PTPRS: variants seen among roughly 807,000 people sequenced by gnomAD.
PTPRS encodes receptor-type tyrosine-protein phosphatase S.
PTPRS carries 63 observed loss-of-function variants against 215.3 expected under a neutral mutation model. That is an observed-to-expected ratio of 0.29 (90% CI 0.24 to 0.36). The LOEUF is 0.36. PTPRS is among the 10% of genes least tolerant of loss of function. The pLI, the probability that PTPRS is intolerant of heterozygous loss-of-function variation, is 1.00. For missense variants in PTPRS, 2,258 were observed against 2,825.8 expected, an observed-to-expected ratio of 0.80 and a Z score of 4.56; for synonymous variants, 1,404 against 1,191.4, an observed-to-expected ratio of 1.18 and a Z score of -3.68.
Position 5,239,164 on chromosome 19 carries a change from G to GGAGA in PTPRS, c.1705-105_1705-102dup, listed in dbSNP as rs36138461. 6.1e-3 allele frequency: 2,642 copies of GGAGA among 433,006 alleles called. 30 individuals are homozygous for GGAGA. Among genetic ancestry groups the GGAGA allele is most frequent in the African/African-American group, 0.035 (1,102 of 31,668 alleles). The allele number at this position is 433,006 out of a possible 1,614,324, so 26.8% of individuals were successfully genotyped here. A position where few individuals can be genotyped will look rare whatever the true frequency, so the allele number is the denominator to read the frequency against. On this transcript the variant is annotated intron_variant, in intron 12 of 37. Transcript: ENST00000262963. ...AGAGACAGAAACAGAGGGGGGAGGG[G>GGAGA]GAGAGAGAGAGAGAGAGAGAGAGAC...
At chr19:5,296,651 G>A (rs1019905260) in intron 1 of PTPRS, among the ~76,000 whole-genome samples, 2 of 150,480 alleles carry the variant, frequency 1.3e-5, no homozygotes, top group Admixed American at 1.3e-4. Context: ...TGCACCTGGC[G>A]TGTTGGAGGA....
At chr19:5,297,938 G>A (rs866592442) in intron 1 of PTPRS, among the ~76,000 whole-genome samples, 2 of 151,720 alleles carry the variant, frequency 1.3e-5, no homozygotes, top group African/African-American at 2.4e-5. Flanking sequence ...GATTACAGGC[G>A]CACACCACCA....
At position 5,210,439 on chromosome 19, in the gene PTPRS, C is replaced by T. The variant is rs1221759502; in HGVS notation, c.5487+30G>A. The T allele has an allele frequency of 1.9e-6, 3 of 1,613,764 alleles. No individual in the cohort carries two copies. The highest frequency in any genetic ancestry group is 2.2e-5 in the East Asian group (1 of 44,876). On this transcript the variant is annotated intron_variant, in intron 35 of 37. Coordinates refer to ENST00000262963, the MANE Select transcript of PTPRS (RefSeq NM_002850.4). This position sits in a 1 kb window ranked among gnomAD's most constrained non-coding sequence, Gnocchi z 4.5. Reference sequence around the variant, plus strand: ...CCTTTCCAGATCACTAAGGCTCCAGCCCCTCCCGCCAGTCTGTCTCTTCAC... The same window carrying T: ...CCTTTCCAGATCACTAAGGCTCCAGTCCCTCCCGCCAGTCTGTCTCTTCAC...
rs544606530 is a variant in PTPRS, at chr19:5,215,670, C to T, written c.4097-75G>A. 29 of 1,060,710 alleles carry T rather than the reference C, an allele frequency of 2.7e-5. No homozygotes were observed. In the African/African-American group the frequency reaches 4.5e-4, roughly 17 times the overall value. The allele number at this position is 1,060,710 out of a possible 1,614,324, so 65.7% of individuals were successfully genotyped here. ...CGGGGACTCGGGGGAGGGGGGTGATCTACGTGTGAGTCTGCGATGGGTGAG... is the reference window on the plus strand; with the variant it reads ...CGGGGACTCGGGGGAGGGGGGTGATTTACGTGTGAGTCTGCGATGGGTGAG... On this transcript the variant is annotated intron_variant, in intron 26 of 37. Transcript: ENST00000262963.
rs2048421879 is a variant in PTPRS at position 5,287,259 on chromosome 19, C to T, written c.-94-1025G>A. Among the ~76,000 whole-genome samples, 1 of 152,190 alleles carries T rather than the reference C, an allele frequency of 6.6e-6. No homozygotes were observed. Among genetic ancestry groups the T allele is most frequent in the African/African-American group, 2.4e-5 (1 of 41,434 alleles). On this transcript the variant is annotated intron_variant, in intron 1 of 37. Coordinates refer to ENST00000262963, the MANE Select transcript of PTPRS (RefSeq NM_002850.4). This position sits in a 1 kb window ranked among gnomAD's most constrained non-coding sequence, Gnocchi z 4.8. ...TTCCTCAGGAAACCCTTCTCTGCCC[C>T]TCAAAGGTCAATTCCCCCTACATTC... is the stretch of plus-strand genomic sequence containing the variant.
At chr19:5,309,729 C>T (rs1176964087) in intron 1 of PTPRS, among the ~76,000 whole-genome samples, 1 of 152,146 alleles carries the variant, frequency 6.6e-6, no homozygotes, top group Non-Finnish European at 1.5e-5. Flanking sequence ...CTGCAGCCAA[C>T]CACTTGGAGA....
In PTPRS at chr19:5,229,479, C is replaced by T. The variant is rs2042829751; in HGVS notation, c.2349+12G>A. ...GAGCCCGTCCCCGGCCCCGCCCCGG[C>T]CCCCCGCCCACCTGGGCATCGGCCA... On this transcript the variant is annotated intron_variant, in intron 15 of 37. Transcript: ENST00000262963. The T allele has an allele frequency of 2.8e-6, 4 of 1,409,560 alleles. No individual in the cohort carries two copies. The highest frequency in any genetic ancestry group is 3.0e-5 in the African/African-American group (2 of 65,586). The allele number at this position is 1,409,560 out of a possible 1,614,324, so 87.3% of individuals were successfully genotyped here. A position where few individuals can be genotyped will look rare whatever the true frequency, so the allele number is the denominator to read the frequency against.
intron 1 of PTPRS, among the ~76,000 whole-genome samples, chr19:5,332,404 AG>A (rs1187561218): frequency 1.3e-5 from 2 of 152,230 alleles, no homozygotes; most frequent in Non-Finnish European, 2.9e-5. Flanking sequence ...CTGGGATTAC[AG>A]GCGTGAGCCA....
intron 1 of PTPRS, among the ~76,000 whole-genome samples, chr19:5,299,551 C>T (rs1414176352): frequency 1.3e-5 from 2 of 152,358 alleles, no homozygotes; most frequent in South Asian, 2.1e-4. Context: ...TCTTTACTCA[C>T]TGTCTGGGTC....
intron 2 of PTPRS, among the ~76,000 whole-genome samples, chr19:5,279,784 G>A (rs947066504): frequency 1.1e-4 from 16 of 152,118 alleles, no homozygotes; most frequent in Admixed American, 8.5e-4. Context: ...CCGGATTCAC[G>A]CCATTCTCCT....
intron 4 of PTPRS, among the ~76,000 whole-genome samples, chr19:5,266,717 C>T (rs768786108): frequency 4.6e-5 from 7 of 152,230 alleles, no homozygotes; most frequent in African/African-American, 7.2e-5. Flanking sequence ...TTCTGTGGTC[C>T]GGCCACCCTC....
chr19:5,219,586 A>G, intron 22 of PTPRS, 119 bp from the exon 23 acceptor site: 1 of 1,281,390 alleles, frequency 7.8e-7, no homozygotes, highest in Non-Finnish European at 1.0e-6. Context: ...ATATTCCTAG[A>G]ACCTTGACCC....
chr19:5,275,907 C>G (rs1446701534), intron 2 of PTPRS, among the ~76,000 whole-genome samples: 1 of 152,080 alleles, frequency 6.6e-6, no homozygotes, highest in Non-Finnish European at 1.5e-5. Context: ...CTTGGCCTCC[C>G]AAGTAGCTAT....
At chr19:5,229,878 T>C (rs1236626577) in intron 14 of PTPRS, among the ~76,000 whole-genome samples, 194 bp from the exon 15 acceptor site, 1 of 149,398 alleles carries the variant, frequency 6.7e-6, no homozygotes, top group South Asian at 2.1e-4. Context: ...GAGGGGCCCC[T>C]GAAGGTGCGC....
intron 5 of PTPRS, among the ~76,000 whole-genome samples, 161 bp downstream of exon 5, chr19:5,264,847 T>C (rs1353872349): frequency 1.3e-5 from 2 of 152,156 alleles, no homozygotes; most frequent in Admixed American, 1.3e-4. Flanking sequence ...GTGTGCGGCT[T>C]TGAAGACATT....
intron 5 of PTPRS, among the ~76,000 whole-genome samples, chr19:5,263,458 G>A (rs997574988): frequency 2.6e-5 from 4 of 152,134 alleles, no homozygotes; most frequent in Admixed American, 6.5e-5. Context: ...AGTGAGTGAG[G>A]GGCGCTGGGG....
At chr19:5,241,212 C>T (rs2044014624) in intron 11 of PTPRS, among the ~76,000 whole-genome samples, 1 of 151,656 alleles carries the variant, frequency 6.6e-6, no homozygotes, top group South Asian at 2.1e-4. Context: ...TTCAAATCAC[C>T]CCAGTGCCCT....
chr19:5,256,005 C>T (rs537821206), intron 9 of PTPRS, 103 bp downstream of exon 9: 119 of 853,352 alleles, frequency 1.4e-4, no homozygotes, highest in African/African-American at 1.3e-3. Context: ...TGTGTGTCAG[C>T]GTGTGTCCGT....
intron 25 of PTPRS, among the ~76,000 whole-genome samples, chr19:5,217,744 A>C (rs1489967727): frequency 6.6e-6 from 1 of 152,256 alleles, no homozygotes; most frequent in African/African-American, 2.4e-5. Flanking sequence ...ACCCATAAGG[A>C]GAATAGCAGC....
Sources: allele counts gnomAD v4.1 joint callset (sites outside exome capture counted in the v4.1 genomes callset), GRCh38; gene constraint gnomAD v4.1.1; non-coding constraint Gnocchi (gnomAD v3.1); transcripts MANE v1.5; gene names NCBI Gene and HGNC (gene_info 2026-07-23, HGNC 2026-07-21).